RSPO4: variants seen among roughly 807,000 people sequenced by gnomAD.
The protein encoded by RSPO4 is R-spondin-4.
Under a neutral mutation model 24.8 loss-of-function variants are expected in RSPO4, and 23 were observed. The observed-to-expected ratio is 0.93, with a 90% confidence interval of 0.67 to 1.31. The LOEUF (loss-of-function observed/expected upper bound fraction) is 1.31, where lower values mean the gene tolerates loss of function less well. Ranked by LOEUF, RSPO4 falls within the 40% of genes most tolerant of loss-of-function variation. The pLI, the probability that RSPO4 is intolerant of heterozygous loss-of-function variation, is 0.00. For synonymous variants in RSPO4, 141 were observed against 127.4 expected (o/e 1.11, Z -0.72); for missense variants, 333 against 316.5 (o/e 1.05, Z -0.39).
chr20:966,482 A>C (rs2122215172), intron 3 of RSPO4, among the ~76,000 whole-genome samples: 1 of 151,928 alleles, frequency 6.6e-6, no homozygotes, highest in East Asian at 1.9e-4. Flanking sequence ...GGAGAAACCG[A>C]AGGACAGAGA....
At chr20:1,001,091 G>A (rs1008276078) in intron 1 of RSPO4, among the ~76,000 whole-genome samples, 4 of 152,200 alleles carry the variant, frequency 2.6e-5, no homozygotes, top group African/African-American at 9.7e-5. Context: ...ATTTAAACCA[G>A]TCTGAGCCTT....
chr20:984,167 C>T (rs1447757834), intron 1 of RSPO4, among the ~76,000 whole-genome samples: 1 of 151,984 alleles, frequency 6.6e-6, no homozygotes, highest in Non-Finnish European at 1.5e-5. Flanking sequence ...GAAACCCCGT[C>T]TCTACTAAAA....
chr20:961,978 A>G (rs1984013955), intron 4 of RSPO4, among the ~76,000 whole-genome samples: 2 of 151,816 alleles, frequency 1.3e-5, no homozygotes, highest in South Asian at 2.1e-4. Context: ...CTACCCTCCC[A>G]TCTACCCTCC....
intron 1 of RSPO4, among the ~76,000 whole-genome samples, chr20:984,310 C>T (rs1423911863): frequency 6.8e-6 from 1 of 146,728 alleles, no homozygotes; most frequent in African/African-American, 2.7e-5. Context: ...CTACACTCCA[C>T]CCTGGGCGAC....
intron 1 of RSPO4, among the ~76,000 whole-genome samples, chr20:1,001,730 T>C (rs576938634): frequency 9.2e-5 from 14 of 152,304 alleles, no homozygotes; most frequent in East Asian, 1.9e-4. Flanking sequence ...GAATGGCTTC[T>C]ACGCCACTGA....
rs56699193 is a variant in RSPO4 at position 963,109 on chromosome 20, G to A, written c.595+826C>T. ...GCCCCCAGAAACATTTTGGAAATAC[G>A]TGTAGTGGTCTTGAATGGCACAGTG... On this transcript the variant is annotated intron_variant, in intron 4 of 4. Coordinates refer to ENST00000217260, the MANE Select transcript of RSPO4 (RefSeq NM_001029871.4). 9.2e-3 allele frequency among the ~76,000 whole-genome samples: 1,395 copies of A among 152,292 alleles called. 25 individuals are homozygous for A. The highest frequency in any genetic ancestry group is 0.032 in the African/African-American group (1,318 of 41,544).
At chr20:977,945 C>A (rs1400796614) in intron 1 of RSPO4, among the ~76,000 whole-genome samples, 1 of 152,196 alleles carries the variant, frequency 6.6e-6, no homozygotes, top group Non-Finnish European at 1.5e-5. Context: ...CCCACTCAGG[C>A]CTCCACATAT....
At chr20:999,428 A>C (rs946923116) in intron 1 of RSPO4, among the ~76,000 whole-genome samples, 2 of 152,178 alleles carry the variant, frequency 1.3e-5, no homozygotes, top group African/African-American at 4.8e-5. Flanking sequence ...GCTGCCTTGC[A>C]AAATATGCTA....
Position 960,599 on chromosome 20 carries a change from C to T in RSPO4, c.596-133G>A, listed in dbSNP as rs1600086130. The T allele has an allele frequency of 5.7e-6, 4 of 706,540 alleles. No homozygotes were observed. In the East Asian group the frequency reaches 8.1e-5, roughly 14 times the overall value. The allele number at this position is 706,540 out of a possible 1,614,324, so 43.8% of individuals were successfully genotyped here. ...GGGGCTCAGAACATTTGGGCACTGACCTTGCAGTCCCTCCTGTTGAGAGTT... is the reference window on the plus strand; with the variant it reads ...GGGGCTCAGAACATTTGGGCACTGATCTTGCAGTCCCTCCTGTTGAGAGTT... On this transcript the variant is annotated intron_variant, in intron 4 of 4. Coordinates refer to ENST00000217260, the MANE Select transcript of RSPO4 (RefSeq NM_001029871.4).
chr20:964,784 A>T (rs1984134397), intron 3 of RSPO4, among the ~76,000 whole-genome samples: 1 of 124,090 alleles, frequency 8.1e-6, no homozygotes, highest in South Asian at 2.6e-4. Context: ...ACACATATAT[A>T]TATACACATA....
chr20:961,323 G>A (rs559608536), intron 4 of RSPO4, among the ~76,000 whole-genome samples: 30 of 152,312 alleles, frequency 2.0e-4, no homozygotes, highest in African/African-American at 7.0e-4. Flanking sequence ...GGAGCTGTGT[G>A]TCCATTTGAA....
At chr20:964,766 A>G (rs1254738012) in intron 3 of RSPO4, among the ~76,000 whole-genome samples, 3 of 133,524 alleles carry the variant, frequency 2.2e-5, no homozygotes, top group African/African-American at 1.0e-4. Context: ...ATATATATAC[A>G]CACACACACA....
At chr20:997,097 C>T (rs1373603302) in intron 1 of RSPO4, among the ~76,000 whole-genome samples, 3 of 152,206 alleles carry the variant, frequency 2.0e-5, no homozygotes, top group Non-Finnish European at 4.4e-5. Context: ...CTTTCTGAGC[C>T]TCAGTTCCCG....
intron 1 of RSPO4, among the ~76,000 whole-genome samples, chr20:969,695 G>T (rs1459027011): frequency 6.6e-6 from 1 of 152,160 alleles, no homozygotes; most frequent in Non-Finnish European, 1.5e-5. Flanking sequence ...GCACAAGAAG[G>T]CTGGTTGCTG....
chr20:972,016 C>T (rs1984424034), intron 1 of RSPO4, among the ~76,000 whole-genome samples: 1 of 152,214 alleles, frequency 6.6e-6, no homozygotes, highest in African/African-American at 2.4e-5. Context: ...TGCCTCTGCA[C>T]ACTTTGCCCC....
At chr20:968,736 G>A (rs1049518394) in intron 1 of RSPO4, among the ~76,000 whole-genome samples, 9 of 152,196 alleles carry the variant, frequency 5.9e-5, no homozygotes, top group Non-Finnish European at 1.3e-4. Context: ...CTCCTGCTGG[G>A]TTCCTGAACA....
intron 1 of RSPO4, among the ~76,000 whole-genome samples, chr20:979,061 C>T (rs1456287634): frequency 1.3e-5 from 2 of 152,134 alleles, no homozygotes; most frequent in South Asian, 4.1e-4. Context: ...CAGCGGCATC[C>T]TTGTCTCTTC....
intron 4 of RSPO4, among the ~76,000 whole-genome samples, chr20:960,793 G>A (rs80024419): frequency 0.037 from 5,645 of 152,320 alleles, 229 homozygotes; most frequent in East Asian, 0.22. Flanking sequence ...CCTCATGGGA[G>A]TCCCCATGGC....
intron 1 of RSPO4, among the ~76,000 whole-genome samples, chr20:979,430 C>T (rs144054947): frequency 3.1e-4 from 47 of 152,318 alleles, no homozygotes; most frequent in African/African-American, 9.6e-4. Flanking sequence ...CCAGTAATGC[C>T]TCCAAGATGT....
Sources: allele counts gnomAD v4.1 joint callset (sites outside exome capture counted in the v4.1 genomes callset), GRCh38; gene constraint gnomAD v4.1.1; transcripts MANE v1.5; gene names NCBI Gene and HGNC (gene_info 2026-07-23, HGNC 2026-07-21).